The following PRKDC variants were observed in gnomAD, a reference collection of about 807,000 sequenced individuals.
The protein encoded by PRKDC is protein kinase, DNA-activated, catalytic subunit.
PRKDC carries 82 observed loss-of-function variants against 486.9 expected under a neutral mutation model. That is an observed-to-expected ratio of 0.17 (90% confidence interval 0.14 to 0.20). The LOEUF is 0.20. Among genes scored for constraint, PRKDC ranks in the 10% least tolerant of loss-of-function variants. PRKDC has a pLI of 1.00. For missense variants in PRKDC, 4,504 were observed against 5,038.2 expected, an observed-to-expected ratio of 0.89 and a Z score of 3.21; for synonymous variants, 1,895 against 1,837.0, an observed-to-expected ratio of 1.03 and a Z score of -0.81.
chr8:47,812,349 T>C (rs1177801512), intron 68 of PRKDC, among the ~76,000 whole-genome samples: 21 of 152,336 alleles, frequency 1.4e-4, no homozygotes, highest in Non-Finnish European at 2.9e-5. Context: ...CAAGTTTACA[T>C]AGGTATTTAC....
Position 47,859,009 on chromosome 8 carries a change from G to C in PRKDC, c.6208-23C>G, listed in dbSNP as rs757366514. 5.6e-6 allele frequency: 9 copies of C among 1,610,260 alleles called. No individual in the cohort carries two copies. In the South Asian group the frequency reaches 8.8e-5, roughly 16 times the overall value. On this transcript the variant is annotated intron_variant, in intron 46 of 85. Coordinates refer to ENST00000314191, the MANE Select transcript of PRKDC (RefSeq NM_006904.7). ...CTCCTGCGAAAGGGAGGGCCCAGGAGAGCAGAGGGTACAGTTAACATTCAG... is the reference window on the plus strand; with the variant it reads ...CTCCTGCGAAAGGGAGGGCCCAGGACAGCAGAGGGTACAGTTAACATTCAG...
At chr8:47,906,218 G>A (rs772237782) in intron 25 of PRKDC, among the ~76,000 whole-genome samples, 90 of 152,240 alleles carry the variant, frequency 5.9e-4, no homozygotes, top group East Asian at 1.2e-3. Flanking sequence ...ACGGTGGTGC[G>A]TGCCTGTAGT....
intron 76 of PRKDC, among the ~76,000 whole-genome samples, chr8:47,786,172 G>A (rs1262559986): frequency 6.6e-6 from 1 of 152,022 alleles, no homozygotes; most frequent in Non-Finnish European, 1.5e-5. Context: ...CAGCACTTTG[G>A]GAGGCTGAGG....
intron 25 of PRKDC, 121 bp downstream of exon 25, chr8:47,912,289 C>G: frequency 1.8e-6 from 2 of 1,122,454 alleles, no homozygotes; most frequent in Non-Finnish European, 2.4e-6. Context: ...CCTGGGGTAG[C>G]AGTCAGGGAG....
chr8:47,912,222 A>G (rs2089916546), intron 25 of PRKDC, among the ~76,000 whole-genome samples, 188 bp downstream of exon 25: 1 of 152,060 alleles, frequency 6.6e-6, no homozygotes. Context: ...AGTGGAGGGG[A>G]GAGCTTTTAG....
intron 69 of PRKDC, 87 bp from the exon 70 acceptor site, chr8:47,803,567 C>A: frequency 2.5e-6 from 3 of 1,197,568 alleles, no homozygotes; most frequent in Non-Finnish European, 2.5e-6. Context: ...CCCCTTTGCA[C>A]GACACAATCC....
intron 61 of PRKDC, among the ~76,000 whole-genome samples, chr8:47,829,852 T>G (rs2087824130): frequency 6.6e-6 from 1 of 152,162 alleles, no homozygotes; most frequent in African/African-American, 2.4e-5. Flanking sequence ...GCCATTCTGC[T>G]CAAGGCAATC....
Position 47,823,765 on chromosome 8 carries a change from G to T in PRKDC, c.8922+93C>A. 16 of 1,424,094 alleles carry T rather than the reference G, an allele frequency of 1.1e-5. No individual in the cohort carries two copies. In the South Asian group the frequency reaches 1.6e-4, roughly 14 times the overall value. The allele number at this position is 1,424,094 out of a possible 1,614,324, so 88.2% of individuals were successfully genotyped here. A position where few individuals can be genotyped will look rare whatever the true frequency, so the allele number is the denominator to read the frequency against. On this transcript the variant is annotated intron_variant, in intron 64 of 85. Coordinates refer to ENST00000314191, the MANE Select transcript of PRKDC (RefSeq NM_006904.7). ...AACGAAAAGACATTGAACCAACAAGGATCTGCTGTACCTCGTTTTGCTTAA... is the reference window on the plus strand; with the variant it reads ...AACGAAAAGACATTGAACCAACAAGTATCTGCTGTACCTCGTTTTGCTTAA...
chr8:47,801,915 T>C (rs2087116582), intron 70 of PRKDC, among the ~76,000 whole-genome samples: 1 of 152,228 alleles, frequency 6.6e-6, no homozygotes, highest in Admixed American at 6.5e-5. Context: ...GCCCTGCTTA[T>C]CATGCAAGGC....
intron 42 of PRKDC, among the ~76,000 whole-genome samples, chr8:47,862,765 G>A (rs1020007163): frequency 3.9e-5 from 6 of 152,188 alleles, no homozygotes; most frequent in African/African-American, 4.8e-5. Context: ...GGTCAGTGAC[G>A]CAACGGCATC....
chr8:47,849,920 TA>T (rs1252284017), intron 52 of PRKDC, among the ~76,000 whole-genome samples: 1 of 152,222 alleles, frequency 6.6e-6, no homozygotes, highest in Non-Finnish European at 1.5e-5. Context: ...TGATAAAAAA[TA>T]TTCACATGGA....
At chr8:47,862,352 C>A (rs747886933) in intron 43 of PRKDC, 21 bp downstream of exon 43, 1 of 1,602,830 alleles carries the variant, frequency 6.2e-7, no homozygotes, top group Non-Finnish European at 8.5e-7. Context: ...AACAATAGTG[C>A]ACACCGTAGG....
Position 47,836,343 on chromosome 8 carries a change from G to T in PRKDC, c.7946C>A (p.Thr2649Asn). Residue 2649 changes from threonine (T) to asparagine (N), a missense_variant, in exon 58 of 86, where the codon ACT (threonine) becomes AAT (asparagine). By Grantham distance (65) the Thr-to-Asn change is moderately conservative. Transcript: ENST00000314191. The part of the protein sequence containing the change: ...QQQHDFTLTQ[T>N]ADGRSSFDWL... ...GCGGGCAGGGTCACTGTTACCTGCAGTCTGTGTCAGTGTGAAGTCATGCTG... is the reference window on the plus strand; with the variant it reads ...GCGGGCAGGGTCACTGTTACCTGCATTCTGTGTCAGTGTGAAGTCATGCTG... 6.3e-7 allele frequency: 1 copy of T among 1,584,614 alleles called. No individual in the cohort carries two copies. The highest frequency in any genetic ancestry group is 8.6e-7 in the Non-Finnish European group (1 of 1,162,918).
At chr8:47,870,146 T>C (rs751340948) in intron 40 of PRKDC, among the ~76,000 whole-genome samples, 26 of 152,050 alleles carry the variant, frequency 1.7e-4, no homozygotes, top group Non-Finnish European at 3.7e-4. Flanking sequence ...CTGGCTAGAT[T>C]TGCCTCCTGC....
intron 19 of PRKDC, 35 bp downstream of exon 19, chr8:47,929,057 C>T (rs1318577979): frequency 1.0e-5 from 14 of 1,357,628 alleles, no homozygotes; most frequent in Non-Finnish European, 1.4e-5. Flanking sequence ...AAAAACAGTT[C>T]ATGATAACAC....
intron 19 of PRKDC, among the ~76,000 whole-genome samples, chr8:47,928,143 A>C (rs2090184429): frequency 6.7e-6 from 1 of 148,954 alleles, no homozygotes; most frequent in African/African-American, 2.5e-5. Flanking sequence ...ATGTTAAGAG[A>C]GCTTGAGGGA....
chr8:47,957,672 G>A (rs1032726971), intron 1 of PRKDC, among the ~76,000 whole-genome samples: 5 of 151,972 alleles, frequency 3.3e-5, no homozygotes, highest in East Asian at 1.9e-4. Context: ...CACCATGCCC[G>A]GCTAATTTTT....
intron 27 of PRKDC, among the ~76,000 whole-genome samples, chr8:47,902,132 T>C (rs918820761): frequency 6.6e-6 from 1 of 152,180 alleles, no homozygotes; most frequent in Non-Finnish European, 1.5e-5. Context: ...CAAAGGACTT[T>C]ATCGCCTCAG....
intron 64 of PRKDC, among the ~76,000 whole-genome samples, chr8:47,823,082 A>G (rs1249235321): frequency 1.3e-5 from 2 of 151,962 alleles, no homozygotes; most frequent in African/African-American, 4.8e-5. Flanking sequence ...GTGATGAGTG[A>G]TCCTAGCACT....
Sources: gnomAD v4.1 joint callset for allele counts (sites outside exome capture counted in the v4.1 genomes callset) on GRCh38, gnomAD v4.1.1 for gene constraint, MANE v1.5 for transcripts, NCBI Gene and HGNC (gene_info 2026-07-23, HGNC 2026-07-21) for gene names.